The following FGFR2 variants were observed in gnomAD, a reference collection of about 807,000 sequenced individuals.
FGFR2 encodes BEK fibroblast growth factor receptor.
FGFR2 carries 19 observed loss-of-function variants against 95.9 expected under a neutral mutation model. That is an observed-to-expected ratio of 0.20 (90% CI 0.14 to 0.29). The LOEUF (loss-of-function observed/expected upper bound fraction) is 0.29. Among genes scored for constraint, FGFR2 ranks in the 10% least tolerant of loss-of-function variants. The probability of loss-of-function intolerance (pLI) is 1.00; values close to 1 mark genes in which losing one functional copy is unlikely to be tolerated. For synonymous variants in FGFR2, 392 were observed against 393.3 expected, an observed-to-expected ratio of 1.00 and a Z score of 0.04; for missense variants, 707 against 1,056.9, an observed-to-expected ratio of 0.67 and a Z score of 4.59.
At position 121,593,907 on chromosome 10, in the gene FGFR2, G is replaced by T; in HGVS notation, c.-90C>A. 8.3e-7 allele frequency: 1 copy of T among 1,205,748 alleles called. No homozygotes were observed. The highest frequency in any genetic ancestry group is 1.2e-6 in the Non-Finnish European group (1 of 812,322). 74.7% of individuals were successfully genotyped at this position (1,205,748 alleles called of 1,614,324 possible). A position where few individuals can be genotyped will look rare whatever the true frequency, so the allele number is the denominator to read the frequency against. ...CTTCCTCTACGGGCATGGACTACGC[G>T]CAATGCCTTCAGCCTGCGGTGGGCT... On this transcript the variant is annotated 5_prime_UTR_variant, in exon 2 of 18. Coordinates refer to ENST00000358487, the MANE Select transcript of FGFR2 (RefSeq NM_000141.5).
At chr10:121,530,818 C>T (rs566205690) in intron 6 of FGFR2, among the ~76,000 whole-genome samples, 3 of 152,304 alleles carry the variant, frequency 2.0e-5, no homozygotes, top group African/African-American at 7.2e-5. Context: ...ATAGAAACCT[C>T]GCTAAGTTCC....
intron 8 of FGFR2, among the ~76,000 whole-genome samples, chr10:121,515,752 A>C (rs1012670570): frequency 6.6e-6 from 1 of 151,588 alleles, no homozygotes; most frequent in East Asian, 1.9e-4. Flanking sequence ...TCAGTCTTAC[A>C]TGGGTAGGCT....
chr10:121,571,047 G>A (rs1335528909), intron 2 of FGFR2, among the ~76,000 whole-genome samples: 2 of 151,288 alleles, frequency 1.3e-5, no homozygotes, highest in Non-Finnish European at 2.9e-5. Context: ...GGAGTGCAGT[G>A]GCGCGATCTT....
At chr10:121,514,908 T>C (rs555955359) in intron 9 of FGFR2, among the ~76,000 whole-genome samples, 2 of 152,288 alleles carry the variant, frequency 1.3e-5, no homozygotes, top group Non-Finnish European at 2.9e-5. Flanking sequence ...TTCTTGCCCT[T>C]GGAACTGGAC....
chr10:121,491,847 G>A (rs1446298155), intron 13 of FGFR2, among the ~76,000 whole-genome samples: 1 of 134,158 alleles, frequency 7.5e-6, no homozygotes, highest in Non-Finnish European at 1.6e-5. Context: ...TCCAGCCTCG[G>A]CAAAAGAGCT....
At chr10:121,575,948 G>A (rs1049993306) in intron 2 of FGFR2, among the ~76,000 whole-genome samples, 1 of 152,036 alleles carries the variant, frequency 6.6e-6, no homozygotes, top group African/African-American at 2.4e-5. Context: ...CACTTTGGGA[G>A]GCCAAGGAGG....
intron 13 of FGFR2, among the ~76,000 whole-genome samples, chr10:121,495,011 C>T (rs1316812096): frequency 6.6e-6 from 1 of 152,142 alleles, no homozygotes; most frequent in South Asian, 2.1e-4. Flanking sequence ...TCATCGGCCC[C>T]CTTTTATCTG....
At chr10:121,510,752 A>G (rs962281556) in intron 9 of FGFR2, among the ~76,000 whole-genome samples, 40 of 150,500 alleles carry the variant, frequency 2.7e-4, no homozygotes, top group Non-Finnish European at 3.7e-4. Context: ...AAGTATTGCT[A>G]CAAAAGGTAG....
intron 4 of FGFR2, among the ~76,000 whole-genome samples, chr10:121,563,923 AG>A (rs912813334): frequency 6.6e-6 from 1 of 152,202 alleles, no homozygotes; most frequent in Non-Finnish European, 1.5e-5. Flanking sequence ...ATTTTCACTC[AG>A]CATGAGGTGT....
chr10:121,481,827 C>CTTTTTTTTTTTTTTTTTTTTTTTTTTTTT lies in FGFR2; in HGVS notation c.2302-1807_2302-1806insAAAAAAAAAAAAAAAAAAAAAAAAAAAAA, dbSNP rs1172844728. The stretch of plus-strand genomic sequence containing the variant: ...CTTTAGTGCTTTTCCCGGTTTCTTT[C>CTTTTTTTTTTTTTTTTTTTTTTTTTTTTT]TTTTTTATTTTTATTTTTTTTTTTT... On this transcript the variant is annotated intron_variant, in intron 17 of 17. Coordinates refer to ENST00000358487, the MANE Select transcript of FGFR2 (RefSeq NM_000141.5). 9 of 176,720 alleles carry CTTTTTTTTTTTTTTTTTTTTTTTTTTTTT rather than the reference C, an allele frequency of 5.1e-5. 2 individuals carry two copies. The highest frequency in any genetic ancestry group is 1.5e-4 in the African/African-American group (5 of 34,130). 10.9% of individuals were successfully genotyped at this position (176,720 alleles called of 1,614,324 possible). A position where few individuals can be genotyped will look rare whatever the true frequency, so the allele number is the denominator to read the frequency against.
intron 2 of FGFR2, among the ~76,000 whole-genome samples, chr10:121,568,851 G>C (rs1285337204): frequency 6.6e-6 from 1 of 152,150 alleles, no homozygotes; most frequent in Non-Finnish European, 1.5e-5. Flanking sequence ...AGGAAGTACA[G>C]GGGACAGCGA....
rs2134307070 is a variant in FGFR2, at chr10:121,519,982, G to C, written c.936C>G (p.Leu312=). 1 of 1,614,186 alleles carries C rather than the reference G, an allele frequency of 6.2e-7. No homozygotes were observed. The highest frequency in any genetic ancestry group is 2.2e-5 in the East Asian group (1 of 44,882). ...TTTAGATTCAGAAAGTCCTCACCTTGAGAACCTTGAGGTAGGGCAGCCCGT... is the reference window on the plus strand; with the variant it reads ...TTTAGATTCAGAAAGTCCTCACCTTCAGAACCTTGAGGTAGGGCAGCCCGT... The part of the protein sequence containing the change: ...GPDGLPYLKV[L]KAAGVNTTDK... Residue 312 remains leucine (L), a synonymous_variant, in exon 7 of 18, where the codon CTC becomes CTG. Coordinates refer to ENST00000358487, the MANE Select transcript of FGFR2 (RefSeq NM_000141.5).
chr10:121,532,575 C>A (rs1852231291), intron 6 of FGFR2, among the ~76,000 whole-genome samples: 1 of 152,232 alleles, frequency 6.6e-6, no homozygotes, highest in African/African-American at 2.4e-5. Flanking sequence ...AAACTTCACA[C>A]TCCAGCTGTG....
chr10:121,550,800 A>G (rs906919485), intron 5 of FGFR2, among the ~76,000 whole-genome samples: 3 of 152,234 alleles, frequency 2.0e-5, no homozygotes, highest in Admixed American at 2.0e-4. Flanking sequence ...CTTTAAAATT[A>G]CACGCAAGTC....
intron 10 of FGFR2, among the ~76,000 whole-genome samples, chr10:121,501,431 G>A (rs964845995): frequency 3.3e-5 from 5 of 152,038 alleles, no homozygotes; most frequent in Non-Finnish European, 5.9e-5. Context: ...GCATTTCAAG[G>A]AATCTCTAAT....
At chr10:121,525,658 C>T (rs993534621) in intron 6 of FGFR2, among the ~76,000 whole-genome samples, 2 of 149,532 alleles carry the variant, frequency 1.3e-5, no homozygotes, top group Admixed American at 6.6e-5. Flanking sequence ...GAAAAAAATA[C>T]CTGAGTGACA....
At chr10:121,533,116 C>T (rs967646929) in intron 6 of FGFR2, among the ~76,000 whole-genome samples, 2 of 152,172 alleles carry the variant, frequency 1.3e-5, no homozygotes, top group South Asian at 2.1e-4. Flanking sequence ...AGACCGGGCA[C>T]GGTGGCTCAT....
chr10:121,484,960 G>A (rs1845219794), intron 16 of FGFR2, among the ~76,000 whole-genome samples: 1 of 152,164 alleles, frequency 6.6e-6, no homozygotes, highest in Admixed American at 6.5e-5. Flanking sequence ...CGGGGGCCAG[G>A]CACAACCACC....
chr10:121,480,187 A>G lies in FGFR2; in HGVS notation c.2302-166T>C, dbSNP rs578064880. 6.6e-5 allele frequency: 55 copies of G among 828,536 alleles called. No individual in the cohort carries two copies. In the South Asian group the frequency reaches 7.3e-4, roughly 11 times the overall value. 51.3% of individuals were successfully genotyped at this position (828,536 alleles called of 1,614,324 possible). ...ATGTGGGTATTGGACGTGGGACAGG[A>G]CAGGAGACCCCTAGAAGGTGAACAG... On this transcript the variant is annotated intron_variant, in intron 17 of 17. Transcript: ENST00000358487.
Sources: gnomAD v4.1 joint callset for allele counts (sites outside exome capture counted in the v4.1 genomes callset) on GRCh38, gnomAD v4.1.1 for gene constraint, MANE v1.5 for transcripts, NCBI Gene and HGNC (gene_info 2026-07-23, HGNC 2026-07-21) for gene names.